RXFP2: variants seen among roughly 807,000 people sequenced by gnomAD.
RXFP2 encodes the protein relaxin family peptide receptor 2.
Under a neutral mutation model 88.6 loss-of-function variants are expected in RXFP2, and 68 were observed. The ratio of observed to expected loss-of-function variants is 0.77; its 90% CI spans 0.63 to 0.94. The LOEUF (loss-of-function observed/expected upper bound fraction) is 0.94, where lower values mean the gene tolerates loss of function less well. Ranked by LOEUF, RXFP2 falls within the 40% of genes least tolerant of loss-of-function variation. The pLI is 0.00. For synonymous variants in RXFP2, 329 were observed against 306.8 expected, an observed-to-expected ratio of 1.07 and a Z score of -0.76; for missense variants, 791 against 893.9, an observed-to-expected ratio of 0.88 and a Z score of 1.47.
rs764085501 is a variant in RXFP2, at chr13:31,786,676, G to A, written c.1073+39G>A. The A allele has an allele frequency of 4.0e-6, 5 of 1,247,566 alleles. No homozygotes were observed. The African/African-American group carries it at 7.5e-5, about 19-fold the overall frequency. The allele number at this position is 1,247,566 out of a possible 1,614,324, so 77.3% of individuals were successfully genotyped here. Reference sequence around the variant, plus strand: ...TACAATTATATTGATTATAATTTTAGTGGATGTACTTAGAGACACATTTAT... The same window carrying A: ...TACAATTATATTGATTATAATTTTAATGGATGTACTTAGAGACACATTTAT... On this transcript the variant is annotated intron_variant, in intron 13 of 17. Transcript: ENST00000298386.
chr13:31,761,715 A>C lies in RXFP2; in HGVS notation c.242-9A>C. Reference sequence around the variant, plus strand: ...GAATAAGTGACACATCTCAATCACTATTTCACAGGTGACACTAGTGGATGG... The same window carrying C: ...GAATAAGTGACACATCTCAATCACTCTTTCACAGGTGACACTAGTGGATGG... On this transcript the variant is annotated splice_polypyrimidine_tract_variant and intron_variant, in intron 2 of 17. Coordinates refer to ENST00000298386, the MANE Select transcript of RXFP2 (RefSeq NM_130806.5). The C allele has an allele frequency of 6.3e-7, 1 of 1,593,532 alleles. No individual in the cohort carries two copies. Among genetic ancestry groups the C allele is most frequent in the Non-Finnish European group, 8.6e-7 (1 of 1,161,390 alleles).
intron 1 of RXFP2, among the ~76,000 whole-genome samples, chr13:31,746,298 C>A (rs1396038589): frequency 6.6e-6 from 1 of 152,008 alleles, no homozygotes; most frequent in Non-Finnish European, 1.5e-5. Context: ...TTGTTATATT[C>A]TTTGTATGTA....
chr13:31,758,565 T>C (rs1179528422), intron 2 of RXFP2, among the ~76,000 whole-genome samples, 161 bp downstream of exon 2: 1 of 152,224 alleles, frequency 6.6e-6, no homozygotes, highest in African/African-American at 2.4e-5. Flanking sequence ...GTATTTGTGA[T>C]AACGACCTGA....
intron 13 of RXFP2, among the ~76,000 whole-genome samples, chr13:31,788,725 T>G (rs1378490067): frequency 6.6e-6 from 1 of 152,146 alleles, no homozygotes; most frequent in African/African-American, 2.4e-5. Context: ...TAAATCCAGA[T>G]TCTCACAAAA....
At position 31,786,578 on chromosome 13, in the gene RXFP2, C is replaced by T. The variant is rs745485098; in HGVS notation, c.1014C>T (p.Ser338=). ...GTAAAAAAAAAAGGAACCTGTCATC[C>T]AATCCTCTTATGTATCTTCACAAGA... The part of the protein sequence containing the change: ...LKLLQKLNLS[S]NPLMYLHKNQ... Residue 338 remains serine, a synonymous_variant, in exon 13 of 18, where the codon TCC becomes TCT. Transcript: ENST00000298386. The T allele has an allele frequency of 8.8e-6, 14 of 1,599,354 alleles. No individual in the cohort carries two copies. In the South Asian group the frequency reaches 1.6e-4, roughly 18 times the overall value.
At chr13:31,743,473 TA>T (rs34035221) in intron 1 of RXFP2, among the ~76,000 whole-genome samples, 80,234 of 148,342 alleles carry the variant, frequency 0.54, 22,364 homozygotes, top group South Asian at 0.68. Flanking sequence ...GTCTCAAAAT[TA>T]AAAAAAAAAA....
At chr13:31,739,808 A>G in intron 1 of RXFP2, 102 bp downstream of exon 1, 6 of 775,482 alleles carry the variant, frequency 7.7e-6, no homozygotes, top group Non-Finnish European at 9.0e-6. Flanking sequence ...GGTGTTTAAA[A>G]AAAAAACAGA....
rs773422153 is a variant in RXFP2 at position 31,797,281 on chromosome 13, A to G, written c.1867A>G (p.Thr623Ala). Residue 623 changes from threonine to alanine, a missense_variant, in exon 17 of 18, where the codon ACC becomes GCC. Transcript: ENST00000298386. Reference sequence around the variant, plus strand: ...TTCCATTCAAAAAACCGCCTTGCAGACCACAGAAGTAAGGAATTGTTTTGG... The same window carrying G: ...TTCCATTCAAAAAACCGCCTTGCAGGCCACAGAAGTAAGGAATTGTTTTGG... The part of the protein sequence containing the change: ...FCSIQKTALQ[T>A]TEVRNCFGRE... The G allele has an allele frequency of 6.2e-7, 1 of 1,614,066 alleles. No individual in the cohort carries two copies. The highest frequency in any genetic ancestry group is 8.5e-7 in the Non-Finnish European group (1 of 1,179,926).
intron 1 of RXFP2, among the ~76,000 whole-genome samples, chr13:31,751,428 T>C (rs1871667762): frequency 6.6e-6 from 1 of 152,172 alleles, no homozygotes; most frequent in South Asian, 2.1e-4. Context: ...AGACAAGAGA[T>C]CTTCATTCTT....
chr13:31,776,191 T>G (rs947334588), intron 7 of RXFP2, among the ~76,000 whole-genome samples: 5 of 149,768 alleles, frequency 3.3e-5, no homozygotes, highest in African/African-American at 9.8e-5. Flanking sequence ...TCTCTCTTTC[T>G]TTCTTTTTTC....
intron 2 of RXFP2, among the ~76,000 whole-genome samples, chr13:31,759,443 A>AAGAT (rs1555281740): frequency 3.5e-4 from 53 of 151,272 alleles, no homozygotes; most frequent in African/African-American, 1.2e-3. Flanking sequence ...GAAAGAAAGA[A>AAGAT]AGATACTGTG....
rs956498501 is a variant in RXFP2 at position 31,803,111 on chromosome 13, C to A, written c.*706C>A. 3 of 152,292 alleles carry A rather than the reference C, an allele frequency of 2.0e-5. No individual in the cohort carries two copies. The highest frequency in any genetic ancestry group is 7.2e-5 in the African/African-American group (3 of 41,452). The allele number at this position is 152,292 out of a possible 1,614,324, so 9.4% of individuals were successfully genotyped here. On this transcript the variant is annotated 3_prime_UTR_variant, in exon 18 of 18. Coordinates refer to ENST00000298386, the MANE Select transcript of RXFP2 (RefSeq NM_130806.5). ...GGCACAAACAAATTGGACACTTTCA[C>A]TGCTAAAAAGTACACTTTAATATTC...
rs7319893 is a variant in RXFP2 at position 31,760,540 on chromosome 13, C to T, written c.242-1184C>T. The stretch of plus-strand genomic sequence containing the variant: ...TGTCTGGATGCCAATGGGCAAGTTA[C>T]TCAAATTCTCATCCTTTCCTCTTTG... On this transcript the variant is annotated intron_variant, in intron 2 of 17. Coordinates refer to ENST00000298386, the MANE Select transcript of RXFP2 (RefSeq NM_130806.5). Among the ~76,000 whole-genome samples the T allele has an allele frequency of 3.8e-3, 583 of 152,348 alleles. 4 individuals are homozygous for T. Among genetic ancestry groups the T allele is most frequent in the African/African-American group, 0.014 (570 of 41,580 alleles).
At chr13:31,784,809 G>A (rs7995496) in intron 11 of RXFP2, among the ~76,000 whole-genome samples, 91,477 of 151,738 alleles carry the variant, frequency 0.6, 27,750 homozygotes, top group East Asian at 0.77. Flanking sequence ...AGACCATTCC[G>A]TTTCCCTCCA....
chr13:31,752,212 T>C (rs1352611971), intron 1 of RXFP2, among the ~76,000 whole-genome samples: 1 of 152,170 alleles, frequency 6.6e-6, no homozygotes, highest in African/African-American at 2.4e-5. Flanking sequence ...TTAGGCAGCA[T>C]TTCCCCAAAT....
intron 16 of RXFP2, among the ~76,000 whole-genome samples, chr13:31,794,713 G>C (rs1021486299): frequency 6.6e-6 from 1 of 152,118 alleles, no homozygotes; most frequent in Non-Finnish European, 1.5e-5. Context: ...GCAGAGGAGG[G>C]TGGGGTGGGG....
At chr13:31,771,773 T>C (rs924035266) in intron 5 of RXFP2, among the ~76,000 whole-genome samples, 3 of 145,712 alleles carry the variant, frequency 2.1e-5, no homozygotes, top group African/African-American at 7.6e-5. Context: ...GCCTGGGCAA[T>C]GGAGCGTAAC....
At position 31,786,372 on chromosome 13, in the gene RXFP2, G is replaced by A. The variant is rs947147446; in HGVS notation, c.930-11G>A. On this transcript the variant is annotated splice_polypyrimidine_tract_variant and intron_variant, in intron 11 of 17. Coordinates refer to ENST00000298386, the MANE Select transcript of RXFP2 (RefSeq NM_130806.5). ...AAAGTAATTGCTTTGGGTTTTCATT[G>A]TCGTCAACAGGGATCTGTCTAGCAA... is the stretch of plus-strand genomic sequence containing the variant. 6.3e-6 allele frequency: 10 copies of A among 1,585,590 alleles called. No individual in the cohort carries two copies. The highest frequency in any genetic ancestry group is 1.7e-5 in the Admixed American group (1 of 59,984).
intron 16 of RXFP2, among the ~76,000 whole-genome samples, chr13:31,795,262 G>C (rs118176159): frequency 1.7e-4 from 25 of 151,352 alleles, no homozygotes; most frequent in Non-Finnish European, 2.9e-4. Context: ...TGATTATTTC[G>C]CCTCAGACTC....
Sources: gnomAD v4.1 joint callset for allele counts (sites outside exome capture counted in the v4.1 genomes callset) on GRCh38, gnomAD v4.1.1 for gene constraint, MANE v1.5 for transcripts, NCBI Gene and HGNC (gene_info 2026-07-23, HGNC 2026-07-21) for gene names.